Variants in FNDC3A observed in about 807,000 individuals in gnomAD.
The protein encoded by FNDC3A is fibronectin type III domain containing 3A, also known as fibronectin type-III domain-containing protein 3A.
FNDC3A carries 32 observed loss-of-function variants against 148.9 expected under a neutral mutation model. The observed-to-expected ratio is 0.21, with a 90% confidence interval of 0.16 to 0.29. FNDC3A has a LOEUF of 0.29. Among genes scored for constraint, FNDC3A ranks in the 10% least tolerant of loss-of-function variants. The pLI is 1.00. For synonymous variants in FNDC3A, 472 were observed against 473.6 expected (o/e 1.00, Z 0.04); for missense variants, 1,191 against 1,452.8 (o/e 0.82, Z 2.93).
intron 3 of FNDC3A, among the ~76,000 whole-genome samples, chr13:49,079,768 G>A (rs564150187): frequency 1.4e-4 from 21 of 152,238 alleles, no homozygotes; most frequent in African/African-American, 4.6e-4. Context: ...AAAAGGTGGG[G>A]ACTGGGGAAG....
intron 2 of FNDC3A, among the ~76,000 whole-genome samples, chr13:49,065,204 TCAGG>T (rs1877182778): frequency 6.6e-6 from 1 of 152,122 alleles, no homozygotes; most frequent in Non-Finnish European, 1.5e-5. Context: ...AATGGGCTGG[TCAGG>T]CAGCTCTCTC....
In FNDC3A at chr13:49,019,893, A is replaced by G. The variant is rs558916774; in HGVS notation, c.99+13604A>G. On this transcript the variant is annotated intron_variant, in intron 2 of 25. Coordinates refer to ENST00000492622, the MANE Select transcript of FNDC3A (RefSeq NM_001079673.2). ...TCTTTGGTTAAATTTGTGTTTGTTTAAAATTGTTTCTTCCTCATTTGGTAT... is the reference window on the plus strand; with the variant it reads ...TCTTTGGTTAAATTTGTGTTTGTTTGAAATTGTTTCTTCCTCATTTGGTAT... Among the ~76,000 whole-genome samples, 6 of 152,310 alleles carry G rather than the reference A, an allele frequency of 3.9e-5. No individual in the cohort carries two copies. The South Asian group carries it at 1.0e-3, about 26-fold the overall frequency.
At chr13:49,041,813 CAAAAA>C (rs771071135) in intron 2 of FNDC3A, among the ~76,000 whole-genome samples, 1 of 64,320 alleles carries the variant, frequency 1.6e-5, no homozygotes, top group Non-Finnish European at 3.4e-5. Context: ...GACTCTGTCT[CAAAAA>C]AAAAAAAAAA....
At chr13:49,059,325 A>G (rs962600150) in intron 2 of FNDC3A, among the ~76,000 whole-genome samples, 1 of 152,242 alleles carries the variant, frequency 6.6e-6, no homozygotes. Context: ...ATTCTTAAAT[A>G]TGACACTGAA....
In FNDC3A at chr13:49,168,727, A is replaced by T; in HGVS notation, c.1152A>T (p.Lys384Asn). The T allele has an allele frequency of 1.2e-6, 2 of 1,613,646 alleles. No homozygotes were observed. The highest frequency in any genetic ancestry group is 1.7e-6 in the Non-Finnish European group (2 of 1,179,708). ...CACCAAGGATAGCCAATCGGACCAA[A>T]AATTCACTCACTTTGCAATGGAAGG... ...PNPPRIANRT[K>N]NSLTLQWKAP... Residue 384 changes from lysine to asparagine, a missense_variant, in exon 10 of 26, where the codon AAA (lysine) becomes AAT (asparagine). Around this residue, in one of 3 missense-constraint regions of FNDC3A, gnomAD observed 426 missense variants for 473.2 expected, o/e 0.90. Coordinates refer to ENST00000492622, the MANE Select transcript of FNDC3A (RefSeq NM_001079673.2).
chr13:49,087,032 A>ATAT (rs1215868669), intron 3 of FNDC3A, among the ~76,000 whole-genome samples: 1 of 152,270 alleles, frequency 6.6e-6, no homozygotes, highest in African/African-American at 2.4e-5. Context: ...AAAGTGTGTT[A>ATAT]TATAAGACTT....
At chr13:49,034,874 G>T (rs1874383087) in intron 2 of FNDC3A, among the ~76,000 whole-genome samples, 1 of 151,998 alleles carries the variant, frequency 6.6e-6, no homozygotes, top group African/African-American at 2.4e-5. Flanking sequence ...AAATGAGCAT[G>T]AAAGTGCTTG....
intron 2 of FNDC3A, among the ~76,000 whole-genome samples, chr13:49,015,392 T>C (rs1422515807): frequency 1.3e-5 from 2 of 152,190 alleles, no homozygotes; most frequent in African/African-American, 2.4e-5. Flanking sequence ...ATGATTTGGC[T>C]CTCTGTTTGT....
chr13:49,074,584 T>C (rs1401537827), intron 2 of FNDC3A, among the ~76,000 whole-genome samples: 1 of 152,194 alleles, frequency 6.6e-6, no homozygotes, highest in Non-Finnish European at 1.5e-5. Flanking sequence ...TATAATCTTT[T>C]GATGAAATAT....
At chr13:49,007,997 T>A (rs1952255299) in intron 2 of FNDC3A, among the ~76,000 whole-genome samples, 1 of 152,164 alleles carries the variant, frequency 6.6e-6, no homozygotes, top group Non-Finnish European at 1.5e-5. Flanking sequence ...TTAACTTCTA[T>A]GAGTATGTTT....
At chr13:48,984,382 AAAG>A (rs1593436323) in intron 1 of FNDC3A, among the ~76,000 whole-genome samples, 1 of 152,340 alleles carries the variant, frequency 6.6e-6, no homozygotes, top group East Asian at 1.9e-4. Flanking sequence ...TAAATTTCAA[AAAG>A]AAGTATAATA....
chr13:49,134,162 T>C (rs1392314751), intron 5 of FNDC3A, among the ~76,000 whole-genome samples: 1 of 152,228 alleles, frequency 6.6e-6, no homozygotes, highest in Non-Finnish European at 1.5e-5. Context: ...ACTGTGCATA[T>C]TAACAGTCAG....
intron 2 of FNDC3A, among the ~76,000 whole-genome samples, chr13:49,016,698 T>G (rs1464793910): frequency 2.0e-5 from 3 of 152,252 alleles, no homozygotes; most frequent in Non-Finnish European, 2.9e-5. Flanking sequence ...GATGTTAGGG[T>G]GTCAATTTTG....
intron 1 of FNDC3A, among the ~76,000 whole-genome samples, chr13:48,976,403 G>C (rs934100839): frequency 5.3e-5 from 8 of 152,184 alleles, no homozygotes; most frequent in African/African-American, 1.9e-4. Context: ...CGGTCTACTA[G>C]TCGGGCACCT....
intron 2 of FNDC3A, among the ~76,000 whole-genome samples, chr13:49,025,502 T>C (rs1319478161): frequency 2.0e-5 from 3 of 152,118 alleles, no homozygotes; most frequent in Non-Finnish European, 2.9e-5. Flanking sequence ...AAACATGTTA[T>C]TGACCACTTA....
chr13:49,150,632 A>G (rs79669559), intron 8 of FNDC3A, among the ~76,000 whole-genome samples: 2,842 of 152,136 alleles, frequency 0.019, 92 homozygotes, highest in African/African-American at 0.063. Flanking sequence ...TAGAAAATAT[A>G]TGATATAATT....
intron 9 of FNDC3A, among the ~76,000 whole-genome samples, chr13:49,168,189 A>C (rs1226070963): frequency 6.6e-6 from 1 of 152,206 alleles, no homozygotes; most frequent in East Asian, 1.9e-4. Flanking sequence ...GTTCAAGTGT[A>C]CTTACTATGG....
At chr13:49,019,887 T>G (rs887021692) in intron 2 of FNDC3A, among the ~76,000 whole-genome samples, 1 of 152,214 alleles carries the variant, frequency 6.6e-6, no homozygotes, top group Non-Finnish European at 1.5e-5. Flanking sequence ...AAATTTGTGT[T>G]TGTTTAAAAT....
chr13:48,981,166 T>C (rs1170973345), intron 1 of FNDC3A, among the ~76,000 whole-genome samples: 4 of 152,170 alleles, frequency 2.6e-5, no homozygotes, highest in African/African-American at 9.6e-5. Flanking sequence ...CCTCCCTCTT[T>C]TTTTGTGAAT....
Sources: allele counts gnomAD v4.1 joint callset (sites outside exome capture counted in the v4.1 genomes callset), GRCh38; gene constraint gnomAD v4.1.1; regional missense constraint gnomAD v4.1.1; transcripts MANE v1.5; gene names NCBI Gene and HGNC (gene_info 2026-07-23, HGNC 2026-07-21).